Variants in PCDHGA6 observed in about 807,000 individuals in gnomAD.
The protein encoded by PCDHGA6 is protocadherin gamma-A6.
PCDHGA6 carries 41 observed loss-of-function variants against 60.6 expected under a neutral mutation model. That is an observed-to-expected ratio of 0.68 (90% CI 0.53 to 0.88). PCDHGA6 has a LOEUF of 0.88. PCDHGA6 is among the 40% of genes least tolerant of loss of function. The pLI is 0.00. For synonymous variants in PCDHGA6, 594 were observed against 524.4 expected (o/e 1.13, Z -1.81); for missense variants, 1,312 against 1,203.0 (o/e 1.09, Z -1.34).
At chr5:141,473,343 T>G (rs1309426537) in intron 1 of PCDHGA6, among the ~76,000 whole-genome samples, 1 of 152,218 alleles carries the variant, frequency 6.6e-6, no homozygotes, top group African/African-American at 2.4e-5. Context: ...TGCTAGACAG[T>G]GAGGATGCAA....
chr5:141,423,234 C>A (rs1408925478), intron 1 of PCDHGA6: 1 of 1,613,800 alleles, frequency 6.2e-7, no homozygotes, highest in Non-Finnish European at 8.5e-7. Context: ...CCGACAGCAT[C>A]CCCGAAGTCC....
intron 1 of PCDHGA6, among the ~76,000 whole-genome samples, chr5:141,448,086 T>TA (rs558292628): frequency 0.011 from 1,579 of 146,268 alleles, 11 homozygotes; most frequent in Non-Finnish European, 0.016. Context: ...AATGCCATCT[T>TA]AAAAAAAAAA....
Position 141,477,686 on chromosome 5 carries a change from C to T in PCDHGA6, c.2425-17121C>T, listed in dbSNP as rs201090822. Reference sequence around the variant, plus strand: ...CAATGGCATAGTGTCATCCTTAGTGCCCCTAGACTATGAGGATCGGCGGGA... The same window carrying T: ...CAATGGCATAGTGTCATCCTTAGTGTCCCTAGACTATGAGGATCGGCGGGA... On this transcript the variant is annotated intron_variant, in intron 1 of 3. Coordinates refer to ENST00000517434, the MANE Select transcript of PCDHGA6 (RefSeq NM_018919.3). This position sits in a 1 kb window ranked among gnomAD's most constrained non-coding sequence, Gnocchi z 4.9. The T allele has an allele frequency of 4.3e-6, 7 of 1,614,024 alleles. No homozygotes were observed. The highest frequency in any genetic ancestry group is 1.6e-4 in the Middle Eastern group (1 of 6,084).
In PCDHGA6 at chr5:141,487,102, G is replaced by C; in HGVS notation, c.2425-7705G>C. The C allele has an allele frequency of 6.2e-7, 1 of 1,613,900 alleles. No homozygotes were observed. Among genetic ancestry groups the C allele is most frequent in the Non-Finnish European group, 8.5e-7 (1 of 1,179,818 alleles). ...CAGCTGACCTCCCACCACAGAAGCTGGTCATTGTGGTAAAGGATAGTGGTA... is the reference window on the plus strand; with the variant it reads ...CAGCTGACCTCCCACCACAGAAGCTCGTCATTGTGGTAAAGGATAGTGGTA... On this transcript the variant is annotated intron_variant, in intron 1 of 3. Transcript: ENST00000517434. This position sits in a 1 kb window ranked among gnomAD's most constrained non-coding sequence, Gnocchi z 5.0.
At chr5:141,463,553 A>G (rs1163004575) in intron 1 of PCDHGA6, among the ~76,000 whole-genome samples, 3 of 140,962 alleles carry the variant, frequency 2.1e-5, no homozygotes, top group Non-Finnish European at 4.5e-5. Context: ...GGTTCATGCC[A>G]TTCTCCTGCC....
intron 1 of PCDHGA6, chr5:141,414,828 G>A (rs780047810): frequency 1.4e-5 from 22 of 1,614,092 alleles, no homozygotes; most frequent in Non-Finnish European, 1.8e-5. Flanking sequence ...GCAACGTGTC[G>A]TTGAGCCTGT....
chr5:141,485,033 T>C lies in PCDHGA6; in HGVS notation c.2425-9774T>C. 1 of 689,352 alleles carries C rather than the reference T, an allele frequency of 1.5e-6. No homozygotes were observed. The highest frequency in any genetic ancestry group is 2.5e-6 in the Non-Finnish European group (1 of 392,590). The allele number at this position is 689,352 out of a possible 1,614,324, so 42.7% of individuals were successfully genotyped here. On this transcript the variant is annotated intron_variant, in intron 1 of 3. Coordinates refer to ENST00000517434, the MANE Select transcript of PCDHGA6 (RefSeq NM_018919.3). This position sits in a 1 kb window ranked among gnomAD's most constrained non-coding sequence, Gnocchi z 5.7. ...CCCCGCCACCAGCAAAAACGGCGCG[T>C]AACCCTTGCGGCGCCGGCCGAACCG...
rs2099747616 is a variant in PCDHGA6 at position 141,493,318 on chromosome 5, TA to T, written c.2425-1487del. 6.6e-6 allele frequency among the ~76,000 whole-genome samples: 1 copy of T among 152,234 alleles called. No homozygotes were observed. Among genetic ancestry groups the T allele is most frequent in the South Asian group, 2.1e-4 (1 of 4,828 alleles). On this transcript the variant is annotated intron_variant, in intron 1 of 3. Coordinates refer to ENST00000517434, the MANE Select transcript of PCDHGA6 (RefSeq NM_018919.3). This position sits in a 1 kb window ranked among gnomAD's most constrained non-coding sequence, Gnocchi z 4.3. ...TTCACAGAGCAAGTAAGAGAGATTC[TA>T]ACCCCTGTCTAACTCCAGAATGTGT...
At chr5:141,380,386 G>A (rs1776453740) in intron 1 of PCDHGA6, among the ~76,000 whole-genome samples, 1 of 152,168 alleles carries the variant, frequency 6.6e-6, no homozygotes. Flanking sequence ...AAAAAGAAAA[G>A]AGAGAAGATA....
intron 2 of PCDHGA6, among the ~76,000 whole-genome samples, chr5:141,504,128 G>A (rs914138294): frequency 2.6e-5 from 4 of 151,992 alleles, no homozygotes; most frequent in African/African-American, 9.7e-5. Context: ...GCTGTTTCCC[G>A]CCAACACTCC....
chr5:141,395,409 T>G, intron 1 of PCDHGA6: 1 of 813,990 alleles, frequency 1.2e-6, no homozygotes, highest in East Asian at 2.8e-5. Context: ...AGTCATAGGT[T>G]ATTGTTTCAT....
At chr5:141,440,484 A>G (rs190024112) in intron 1 of PCDHGA6, 36 of 152,300 alleles carry the variant, frequency 2.4e-4, no homozygotes, top group Non-Finnish European at 4.7e-4. Context: ...AATTCTTTAA[A>G]TGTTTTTCAC....
At chr5:141,392,694 CCT>C in intron 1 of PCDHGA6, 4 of 1,186,390 alleles carry the variant, frequency 3.4e-6, no homozygotes, top group Non-Finnish European at 4.6e-6. Flanking sequence ...AAACCCGACC[CCT>C]GTTTGGAGGC....
chr5:141,497,538 AC>A lies in PCDHGA6; in HGVS notation c.2483+2675del, dbSNP rs1247704872. Among the ~76,000 whole-genome samples, 601 of 142,636 alleles carry A rather than the reference AC, an allele frequency of 4.2e-3. 3 individuals are homozygous for A. Among genetic ancestry groups the A allele is most frequent in the African/African-American group, 0.013 (497 of 38,408 alleles). The allele number at this position is 142,636 out of a possible 152,430, so 93.6% of individuals were successfully genotyped here. On this transcript the variant is annotated intron_variant, in intron 2 of 3. Coordinates refer to ENST00000517434, the MANE Select transcript of PCDHGA6 (RefSeq NM_018919.3). ...AGTTAACTTGTGGAGGATGCAACAA[AC>A]CTTTTTTTTTTTTTTTTTTAGACAG...
intron 1 of PCDHGA6, among the ~76,000 whole-genome samples, chr5:141,456,640 TG>T (rs1258175023): frequency 6.6e-6 from 1 of 152,130 alleles, no homozygotes; most frequent in Non-Finnish European, 1.5e-5. Flanking sequence ...TTACTACAGG[TG>T]TTAATCCCAA....
chr5:141,422,969 G>C (rs1269760845), intron 1 of PCDHGA6: 2 of 1,614,202 alleles, frequency 1.2e-6, no homozygotes, highest in South Asian at 2.2e-5. Flanking sequence ...CTGGCGCCCC[G>C]CTCTGCGGAA....
At chr5:141,403,157 A>G in intron 1 of PCDHGA6, 3 of 1,614,030 alleles carry the variant, frequency 1.9e-6, no homozygotes, top group Non-Finnish European at 8.5e-7. Context: ...CATCGTCTCT[A>G]GAGGTAGGAC....
At position 141,489,876 on chromosome 5, in the gene PCDHGA6, T is replaced by C. The variant is rs2099693265; in HGVS notation, c.2425-4931T>C. ...CCCAGGCAAGACATCAGCTGGTGCT[T>C]ACTGCTGTGGATGGGGGGACCCCAG... On this transcript the variant is annotated intron_variant, in intron 1 of 3. Transcript: ENST00000517434. This position sits in a 1 kb window ranked among gnomAD's most constrained non-coding sequence, Gnocchi z 4.5. The C allele has an allele frequency of 6.2e-7, 1 of 1,614,098 alleles. No homozygotes were observed. The highest frequency in any genetic ancestry group is 1.1e-5 in the South Asian group (1 of 91,094).
chr5:141,490,981 C>T lies in PCDHGA6; in HGVS notation c.2425-3826C>T. 19 of 1,614,096 alleles carry T rather than the reference C, an allele frequency of 1.2e-5. No homozygotes were observed. The highest frequency in any genetic ancestry group is 1.5e-5 in the Non-Finnish European group (18 of 1,180,018). Reference sequence around the variant, plus strand: ...ACACTCAGCCCCCCAGCGTCTCCCTCGCTCTGCTCCTCCTGGCTCCTTGGT... The same window carrying T: ...ACACTCAGCCCCCCAGCGTCTCCCTTGCTCTGCTCCTCCTGGCTCCTTGGT... On this transcript the variant is annotated intron_variant, in intron 1 of 3. Transcript: ENST00000517434. The surrounding 1 kb of genome is among the most constrained non-coding windows in gnomAD (Gnocchi z 5.4).
Sources: gnomAD v4.1 joint callset for allele counts (sites outside exome capture counted in the v4.1 genomes callset) on GRCh38, gnomAD v4.1.1 for gene constraint, Gnocchi (gnomAD v3.1) non-coding constraint, MANE v1.5 for transcripts, NCBI Gene and HGNC (gene_info 2026-07-23, HGNC 2026-07-21) for gene names.